Variants in CACNA2D3 observed in about 807,000 individuals in gnomAD.
The protein encoded by CACNA2D3 is calcium voltage-gated channel auxiliary subunit alpha2delta 3.
Under a neutral mutation model 160.6 loss-of-function variants are expected in CACNA2D3, and 60 were observed. The observed-to-expected ratio is 0.37, with a 90% CI of 0.30 to 0.46. The LOEUF is 0.46. Ranked by LOEUF, CACNA2D3 falls within the 20% of genes least tolerant of loss-of-function variation. The pLI is 1.00. For synonymous variants in CACNA2D3, 558 were observed against 492.9 expected, an observed-to-expected ratio of 1.13 and a Z score of -1.75; for missense variants, 1,205 against 1,365.0, an observed-to-expected ratio of 0.88 and a Z score of 1.85.
intron 9 of CACNA2D3, among the ~76,000 whole-genome samples, chr3:54,615,143 AATG>A (rs1371396598): frequency 6.6e-6 from 1 of 152,202 alleles, no homozygotes; most frequent in African/African-American, 2.4e-5. Context: ...TTATCTAATA[AATG>A]AAGAGAGATG....
At chr3:54,776,221 A>C (rs1417223747) in intron 13 of CACNA2D3, among the ~76,000 whole-genome samples, 4 of 152,218 alleles carry the variant, frequency 2.6e-5, no homozygotes, top group Non-Finnish European at 4.4e-5. Flanking sequence ...ACATTTTCTA[A>C]GAGGTCGGGA....
chr3:54,918,890 C>T (rs1176149171), intron 27 of CACNA2D3: 1 of 1,522,486 alleles, frequency 6.6e-7, no homozygotes, highest in African/African-American at 1.4e-5. Flanking sequence ...TCTGTTAGTC[C>T]CCCTTTAAAA....
intron 2 of CACNA2D3, among the ~76,000 whole-genome samples, chr3:54,313,340 C>T (rs1320272597): frequency 1.3e-5 from 2 of 152,096 alleles, no homozygotes; most frequent in East Asian, 1.9e-4. Flanking sequence ...TGCCATCTTT[C>T]GAGTCCTGGC....
chr3:54,211,523 G>A (rs191289336), intron 2 of CACNA2D3, among the ~76,000 whole-genome samples: 1 of 152,274 alleles, frequency 6.6e-6, no homozygotes, highest in Admixed American at 6.5e-5. Context: ...CTGACTCTTA[G>A]ATGGGTTGCA....
chr3:54,138,688 A>G (rs1390080138), intron 2 of CACNA2D3, among the ~76,000 whole-genome samples: 4 of 152,102 alleles, frequency 2.6e-5, no homozygotes, highest in Admixed American at 2.0e-4. Context: ...CGTTTAAGTT[A>G]ATCCTCATAA....
chr3:54,871,069 C>G (rs1235354978), intron 17 of CACNA2D3, among the ~76,000 whole-genome samples: 3 of 148,132 alleles, frequency 2.0e-5, no homozygotes, highest in Non-Finnish European at 4.5e-5. Flanking sequence ...CACACACACA[C>G]ACACACACAC....
intron 2 of CACNA2D3, among the ~76,000 whole-genome samples, chr3:54,232,574 G>A (rs1043649217): frequency 2.6e-5 from 4 of 152,142 alleles, no homozygotes; most frequent in Non-Finnish European, 4.4e-5. Context: ...GGTTGAAAGA[G>A]CGTCCTGAGC....
chr3:54,529,344 T>A (rs1701772016), intron 5 of CACNA2D3, among the ~76,000 whole-genome samples: 1 of 152,218 alleles, frequency 6.6e-6, no homozygotes, highest in African/African-American at 2.4e-5. Flanking sequence ...TCTTGGGTTC[T>A]GTACCTGTCA....
intron 9 of CACNA2D3, among the ~76,000 whole-genome samples, chr3:54,622,510 C>T (rs1184850945): frequency 2.6e-5 from 4 of 151,942 alleles, no homozygotes; most frequent in Non-Finnish European, 4.4e-5. Context: ...CTCCTGACCT[C>T]GTGATCTGCC....
intron 17 of CACNA2D3, among the ~76,000 whole-genome samples, chr3:54,871,223 A>ACCC (rs140137047): frequency 0.01 from 1,508 of 144,070 alleles, 30 homozygotes; most frequent in African/African-American, 0.032. Context: ...ACACACACAC[A>ACCC]CCCCCCATTC....
At chr3:54,802,146 T>C (rs528750674) in intron 13 of CACNA2D3, among the ~76,000 whole-genome samples, 1 of 152,262 alleles carries the variant, frequency 6.6e-6, no homozygotes, top group South Asian at 2.1e-4. Flanking sequence ...ATCACCATAA[T>C]AGCAAGGGGT....
chr3:54,678,748 A>AAAAAAAAAAG (rs1700289254), intron 11 of CACNA2D3, among the ~76,000 whole-genome samples: 1 of 145,874 alleles, frequency 6.9e-6, no homozygotes, highest in Non-Finnish European at 1.5e-5. Flanking sequence ...AAAAAAAAAA[A>AAAAAAAAAAG]AGTTGATGAT....
chr3:54,839,028 C>A (rs995048563), intron 16 of CACNA2D3, among the ~76,000 whole-genome samples: 2 of 152,102 alleles, frequency 1.3e-5, no homozygotes, highest in African/African-American at 4.8e-5. Flanking sequence ...GAGGCCGATG[C>A]GGGTGGATCA....
At chr3:54,809,327 T>C (rs1307861195) in intron 13 of CACNA2D3, among the ~76,000 whole-genome samples, 1 of 117,966 alleles carries the variant, frequency 8.5e-6, no homozygotes, top group African/African-American at 4.0e-5. Flanking sequence ...TTTTTTTTTT[T>C]TTGAGACGGA....
intron 26 of CACNA2D3, among the ~76,000 whole-genome samples, chr3:54,897,647 A>C (rs140179667): frequency 6.6e-6 from 1 of 152,206 alleles, no homozygotes; most frequent in African/African-American, 2.4e-5. Context: ...TATTTTACAT[A>C]TATCAGTTCC....
At chr3:54,442,374 TG>T (rs1700158806) in intron 4 of CACNA2D3, among the ~76,000 whole-genome samples, 1 of 152,252 alleles carries the variant, frequency 6.6e-6, no homozygotes, top group South Asian at 2.1e-4. Flanking sequence ...TCCTTTGGCC[TG>T]GAGCACAGAT....
intron 4 of CACNA2D3, among the ~76,000 whole-genome samples, chr3:54,468,648 C>T (rs1305096736): frequency 6.6e-6 from 1 of 152,158 alleles, no homozygotes; most frequent in Non-Finnish European, 1.5e-5. Context: ...GATCCCACCC[C>T]CACGGAGTCC....
chr3:54,184,937 C>A (rs1700855000), intron 2 of CACNA2D3, among the ~76,000 whole-genome samples: 1 of 152,136 alleles, frequency 6.6e-6, no homozygotes, highest in African/African-American at 2.4e-5. Flanking sequence ...GGGACGTAGG[C>A]TAGGTAGGGA....
chr3:54,906,483 G>A (rs1168881060), intron 27 of CACNA2D3, among the ~76,000 whole-genome samples: 1 of 152,198 alleles, frequency 6.6e-6, no homozygotes, highest in Non-Finnish European at 1.5e-5. Flanking sequence ...CAGTCATCAT[G>A]CAAAGATATA....
Sources: gnomAD v4.1 joint callset for allele counts (sites outside exome capture counted in the v4.1 genomes callset) on GRCh38, gnomAD v4.1.1 for gene constraint, MANE v1.5 for transcripts, NCBI Gene and HGNC (gene_info 2026-07-23, HGNC 2026-07-21) for gene names.